The following TEAD1 variants were observed in gnomAD, a reference collection of about 807,000 sequenced individuals.
TEAD1 encodes TEA domain transcription factor 1, also known as transcriptional enhancer factor TEF-1.
In TEAD1, 9 loss-of-function variants were observed where a neutral mutation model predicts 54.9. The ratio of observed to expected loss-of-function variants is 0.16; its 90% CI spans 0.10 to 0.29. The LOEUF (loss-of-function observed/expected upper bound fraction) is 0.29. Ranked by LOEUF, TEAD1 falls within the 10% of genes least tolerant of loss-of-function variation. The pLI is 1.00. For synonymous variants in TEAD1, 200 were observed against 187.8 expected (o/e 1.07, Z -0.53); for missense variants, 387 against 535.9 (o/e 0.72, Z 2.74).
chr11:12,883,119 A>G lies in TEAD1; in HGVS notation c.693A>G (p.Pro231=). 1 of 1,614,136 alleles carries G rather than the reference A, an allele frequency of 6.2e-7. No individual in the cohort carries two copies. Among genetic ancestry groups the G allele is most frequent in the Non-Finnish European group, 8.5e-7 (1 of 1,180,038 alleles). The change falls in exon 9 of 13, where the codon CCA becomes CCG. Residue 231 remains proline, a synonymous_variant. Coordinates refer to ENST00000527636, the MANE Select transcript of TEAD1 (RefSeq NM_021961.6). ...CTTTTCTCGAGCAGCAGCGAGACCCAGACTCGGTGAGTGTGCCCAGAGAGG... is the reference window on the plus strand; with the variant it reads ...CTTTTCTCGAGCAGCAGCGAGACCCGGACTCGGTGAGTGTGCCCAGAGAGG...
chr11:12,728,028 GGATGAT>G (rs1370020669), intron 2 of TEAD1, among the ~76,000 whole-genome samples: 2 of 152,158 alleles, frequency 1.3e-5, no homozygotes, highest in Non-Finnish European at 2.9e-5. Flanking sequence ...TGGGCTGGTA[GGATGAT>G]GATGGGCAGG....
At chr11:12,698,417 G>C (rs539995054) in intron 2 of TEAD1, among the ~76,000 whole-genome samples, 1 of 152,264 alleles carries the variant, frequency 6.6e-6, no homozygotes, top group South Asian at 2.1e-4. Context: ...TACCAGAGCA[G>C]ATGGGTCTCT....
At chr11:12,846,020 A>G (rs776720478) in intron 3 of TEAD1, among the ~76,000 whole-genome samples, 4 of 152,258 alleles carry the variant, frequency 2.6e-5, no homozygotes, top group Non-Finnish European at 5.9e-5. Context: ...GAATCAGGCC[A>G]CACCATGAAT....
chr11:12,756,248 C>T (rs1944982267), intron 2 of TEAD1, among the ~76,000 whole-genome samples: 1 of 152,164 alleles, frequency 6.6e-6, no homozygotes, highest in Non-Finnish European at 1.5e-5. Context: ...TTAGAGGGAA[C>T]CTGTTGGCAT....
chr11:12,899,190 C>G (rs1948375536), intron 9 of TEAD1, among the ~76,000 whole-genome samples: 1 of 152,142 alleles, frequency 6.6e-6, no homozygotes, highest in South Asian at 2.1e-4. Context: ...GCAGAAGGCG[C>G]TAGAATGGAC....
intron 2 of TEAD1, among the ~76,000 whole-genome samples, chr11:12,718,569 C>G (rs1191350328): frequency 1.3e-5 from 2 of 151,666 alleles, no homozygotes; most frequent in South Asian, 4.2e-4. Context: ...AAAGACATTT[C>G]GATGTACCGT....
chr11:12,747,769 T>G (rs1240271861), intron 2 of TEAD1, among the ~76,000 whole-genome samples: 1 of 152,238 alleles, frequency 6.6e-6, no homozygotes, highest in African/African-American at 2.4e-5. Flanking sequence ...GTTAATACTT[T>G]CATGGATCAT....
intron 2 of TEAD1, among the ~76,000 whole-genome samples, chr11:12,716,466 T>C (rs1944064674): frequency 6.6e-6 from 1 of 152,164 alleles, no homozygotes; most frequent in East Asian, 1.9e-4. Context: ...ATCCTTTTTA[T>C]TTTCCCCCCA....
chr11:12,752,879 C>G (rs1379757655), intron 2 of TEAD1, among the ~76,000 whole-genome samples: 1 of 151,470 alleles, frequency 6.6e-6, no homozygotes, highest in Non-Finnish European at 1.5e-5. Context: ...GTCTCACACT[C>G]TCTCAGGCCA....
At chr11:12,744,257 C>T (rs752779953) in intron 2 of TEAD1, among the ~76,000 whole-genome samples, 6 of 152,106 alleles carry the variant, frequency 3.9e-5, no homozygotes, top group Non-Finnish European at 5.9e-5. Context: ...CCCAGTCTAT[C>T]GGTGGCCTTG....
chr11:12,862,242 T>G lies in TEAD1; in HGVS notation c.203-8T>G. The G allele has an allele frequency of 6.2e-7, 1 of 1,613,556 alleles. No homozygotes were observed. The highest frequency in any genetic ancestry group is 1.1e-5 in the South Asian group (1 of 91,066). ...ACCCACCTCATGGTAAATTCTTCTT[T>G]CTTTCAGGTAGGAATGAATTGATAG... On this transcript the variant is annotated splice_region_variant and splice_polypyrimidine_tract_variant and intron_variant, in intron 3 of 12. Coordinates refer to ENST00000527636, the MANE Select transcript of TEAD1 (RefSeq NM_021961.6).
At chr11:12,857,457 C>T (rs545022044) in intron 3 of TEAD1, among the ~76,000 whole-genome samples, 14 of 152,270 alleles carry the variant, frequency 9.2e-5, no homozygotes, top group African/African-American at 2.6e-4. Flanking sequence ...GAAAGGAAGA[C>T]GGTCCCCAGG....
chr11:12,891,975 G>A (rs549776047), intron 9 of TEAD1, among the ~76,000 whole-genome samples: 2 of 152,312 alleles, frequency 1.3e-5, no homozygotes, highest in African/African-American at 4.8e-5. Flanking sequence ...CCTCCTGGAC[G>A]TGGATGTGGG....
At chr11:12,927,281 G>A (rs1003303028) in intron 11 of TEAD1, among the ~76,000 whole-genome samples, 6 of 152,152 alleles carry the variant, frequency 3.9e-5, no homozygotes, top group South Asian at 2.1e-4. Flanking sequence ...CCAGATAGGC[G>A]TTTGTATCAA....
chr11:12,787,123 G>T (rs1945693406), intron 3 of TEAD1, among the ~76,000 whole-genome samples: 1 of 152,146 alleles, frequency 6.6e-6, no homozygotes, highest in Admixed American at 6.5e-5. Context: ...AGGATCACCG[G>T]CTGCTGGGTA....
At chr11:12,909,443 G>T (rs936067056) in intron 10 of TEAD1, among the ~76,000 whole-genome samples, 1 of 150,514 alleles carries the variant, frequency 6.6e-6, no homozygotes, top group African/African-American at 2.5e-5. Context: ...CAAACACCAC[G>T]TGTTTTCACT....
intron 2 of TEAD1, among the ~76,000 whole-genome samples, chr11:12,740,630 G>A (rs1452018752): frequency 1.3e-5 from 2 of 152,250 alleles, no homozygotes; most frequent in East Asian, 3.9e-4. Context: ...GGAGAGAGAA[G>A]TGAGTGCCAA....
At position 12,883,045 on chromosome 11, in the gene TEAD1, C is replaced by G. The variant is rs762088838; in HGVS notation, c.619C>G (p.Gln207Glu). 1.7e-4 allele frequency: 270 copies of G among 1,614,090 alleles called. No individual in the cohort carries two copies. Among genetic ancestry groups the G allele is most frequent in the Non-Finnish European group, 2.0e-4 (237 of 1,180,056 alleles). The change falls in exon 9 of 13, where the codon CAA becomes GAA. Residue 207 changes from glutamine to glutamate, a missense_variant. This residue lies in a region of TEAD1 where 180 missense variants were observed against 180.6 expected (regional missense o/e 1.00). Coordinates refer to ENST00000527636, the MANE Select transcript of TEAD1 (RefSeq NM_021961.6). Reference sequence around the variant, plus strand: ...CCCAGCTCCCTCAGTCCCTGCCTGGCAAGGTCGCTCCATTGGCACAACCAA... The same window carrying G: ...CCCAGCTCCCTCAGTCCCTGCCTGGGAAGGTCGCTCCATTGGCACAACCAA...
At chr11:12,709,398 T>C (rs1481723034) in intron 2 of TEAD1, among the ~76,000 whole-genome samples, 1 of 152,172 alleles carries the variant, frequency 6.6e-6, no homozygotes, top group Non-Finnish European at 1.5e-5. Flanking sequence ...GTTTTGTTTC[T>C]TTTTTTGAAT....
Sources: gnomAD v4.1 joint callset for allele counts (sites outside exome capture counted in the v4.1 genomes callset) on GRCh38, gnomAD v4.1.1 for gene constraint, gnomAD v4.1.1 regional missense constraint, MANE v1.5 for transcripts, NCBI Gene and HGNC (gene_info 2026-07-23, HGNC 2026-07-21) for gene names.